Variants in PHF24 observed in about 807,000 individuals in gnomAD.
PHF24 encodes the protein PHD finger protein 24.
Under a neutral mutation model 42.6 loss-of-function variants are expected in PHF24, and 25 were observed. That is an observed-to-expected ratio of 0.59 (90% CI 0.43 to 0.82). PHF24 has a LOEUF of 0.82. PHF24 is among the 40% of genes least tolerant of loss of function. PHF24 has a pLI of 0.00. For missense variants in PHF24, 470 were observed against 538.1 expected, an observed-to-expected ratio of 0.87 and a Z score of 1.25; for synonymous variants, 185 against 204.8, an observed-to-expected ratio of 0.90 and a Z score of 0.83.
At chr9:34,865,766 G>T in the PHF24 span, among the ~76,000 whole-genome samples, 79 of 152,258 alleles carry the variant, frequency 5.2e-4, no homozygotes, top group African/African-American at 1.9e-3. Flanking sequence ...ACTGGGGAAG[G>T]TTCTGCTTCC....
At chr9:34,953,727 T>C (rs1826309991), upstream of PHF24, among the ~76,000 whole-genome samples, 1 of 152,084 alleles carries the variant, frequency 6.6e-6, no homozygotes, top group African/African-American at 2.4e-5. The surrounding 1 kb of genome is among the most constrained non-coding windows in gnomAD (Gnocchi z 4.1). Context: ...GGAAGATCAG[T>C]TGAGGCCAGG....
the PHF24 span, among the ~76,000 whole-genome samples, chr9:34,863,584 T>C: frequency 6.6e-6 from 1 of 152,366 alleles, no homozygotes; most frequent in South Asian, 2.1e-4. Flanking sequence ...ACAGCATTAC[T>C]GGGCATGGGG....
the PHF24 span, among the ~76,000 whole-genome samples, chr9:34,890,763 G>C: frequency 6.6e-6 from 1 of 152,210 alleles, no homozygotes; most frequent in Non-Finnish European, 1.5e-5. Flanking sequence ...TGTATCTCAA[G>C]GAATTTATTT....
chr9:34,838,403 C>CATCG, the PHF24 span: 1 of 1,220,556 alleles, frequency 8.2e-7, no homozygotes, highest in Non-Finnish European at 1.2e-6. Context: ...CTCCTTTTCA[C>CATCG]TTGCCAGATA....
At chr9:34,925,655 G>A in the PHF24 span, among the ~76,000 whole-genome samples, 1 of 151,908 alleles carries the variant, frequency 6.6e-6, no homozygotes, top group African/African-American at 2.4e-5. Flanking sequence ...TCTATCTCTT[G>A]TTGAAGTTCT....
At chr9:34,690,913 C>A in the PHF24 span, among the ~76,000 whole-genome samples, 1 of 152,194 alleles carries the variant, frequency 6.6e-6, no homozygotes, top group African/African-American at 2.4e-5. Context: ...GGCACAGGGA[C>A]ACCCACACTT....
the PHF24 span, chr9:34,729,352 C>T: frequency 1.9e-6 from 3 of 1,551,830 alleles, no homozygotes; most frequent in South Asian, 1.2e-5. Flanking sequence ...CAGATAATTA[C>T]AATAACGATG....
At chr9:34,962,209 C>A (rs1253504588) in intron 1 of PHF24, among the ~76,000 whole-genome samples, 1 of 152,360 alleles carries the variant, frequency 6.6e-6, no homozygotes, top group Non-Finnish European at 1.5e-5. Context: ...CAAACCAGTT[C>A]TTTGGGCTGA....
At chr9:34,905,941 T>G in the PHF24 span, among the ~76,000 whole-genome samples, 1 of 152,334 alleles carries the variant, frequency 6.6e-6, no homozygotes, top group East Asian at 1.9e-4. Context: ...GAGATGGGTC[T>G]TCAGAACCTG....
chr9:34,716,635 G>T, the PHF24 span, among the ~76,000 whole-genome samples: 36 of 152,000 alleles, frequency 2.4e-4, no homozygotes, highest in African/African-American at 6.5e-4. Flanking sequence ...TGTCACCCAG[G>T]CTGGAGTGCA....
At chr9:34,798,165 T>G in the PHF24 span, among the ~76,000 whole-genome samples, 3 of 151,732 alleles carry the variant, frequency 2.0e-5, no homozygotes, top group Non-Finnish European at 4.4e-5. Flanking sequence ...TTCTCAGAAC[T>G]GTACACATGA....
chr9:34,952,187 CA>C, the PHF24 span, among the ~76,000 whole-genome samples: 1,265 of 152,246 alleles, frequency 8.3e-3, 23 homozygotes, highest in East Asian at 0.06. Flanking sequence ...ATAATCTACA[CA>C]AAAGCTCCTA....
the PHF24 span, among the ~76,000 whole-genome samples, chr9:34,690,530 G>C: frequency 6.6e-6 from 1 of 150,928 alleles, no homozygotes; most frequent in Admixed American, 6.6e-5. Flanking sequence ...ATATGGCTCT[G>C]GCTCTACTGG....
chr9:34,957,892 C>G (rs1023957154), upstream of PHF24, among the ~76,000 whole-genome samples: 1 of 151,976 alleles, frequency 6.6e-6, no homozygotes, highest in Non-Finnish European at 1.5e-5. Flanking sequence ...AAGGCGCCCC[C>G]TCCGGGCCGC....
the PHF24 span, among the ~76,000 whole-genome samples, chr9:34,753,266 C>T: frequency 0.16 from 24,132 of 151,900 alleles, 2,621 homozygotes; most frequent in East Asian, 0.52. Flanking sequence ...AGAAACTTCA[C>T]CAAAAAACTA....
the PHF24 span, among the ~76,000 whole-genome samples, chr9:34,808,819 G>A: frequency 1.4e-5 from 2 of 143,906 alleles, no homozygotes. Flanking sequence ...GTCCACCTCT[G>A]TATACTATTA....
At chr9:34,837,842 TC>T in the PHF24 span, 1 of 636,192 alleles carries the variant, frequency 1.6e-6, no homozygotes, top group Non-Finnish European at 2.8e-6. Context: ...CTTTGCCTAT[TC>T]CACCTTTTTA....
chr9:34,786,985 C>T, the PHF24 span, among the ~76,000 whole-genome samples: 312 of 152,214 alleles, frequency 2.0e-3, 1 homozygote, highest in African/African-American at 7.2e-3. Flanking sequence ...AAGGAGGCAC[C>T]CAGAATCCTG....
At chr9:34,864,681 T>C in the PHF24 span, among the ~76,000 whole-genome samples, 1 of 152,074 alleles carries the variant, frequency 6.6e-6, no homozygotes, top group Admixed American at 6.5e-5. Context: ...AGGACATTAA[T>C]GAGCAATAAG....
Sources: gnomAD v4.1 joint callset for allele counts (sites outside exome capture counted in the v4.1 genomes callset) on GRCh38, gnomAD v4.1.1 for gene constraint, Gnocchi (gnomAD v3.1) non-coding constraint, MANE v1.5 for transcripts, NCBI Gene and HGNC (gene_info 2026-07-23, HGNC 2026-07-21) for gene names.